The following STK36 variants were observed in gnomAD, a reference collection of about 807,000 sequenced individuals.
The protein encoded by STK36 is serine/threonine-protein kinase 36.
In STK36, 116 loss-of-function variants were observed where a neutral mutation model predicts 142.2. The observed-to-expected ratio is 0.82, with a 90% CI of 0.70 to 0.95. The LOEUF (loss-of-function observed/expected upper bound fraction) is 0.95. Ranked by LOEUF, STK36 falls within the 40% of genes least tolerant of loss-of-function variation. The probability of loss-of-function intolerance (pLI) is 0.00; values close to 1 mark genes in which losing one functional copy is unlikely to be tolerated. For synonymous variants in STK36, 619 were observed against 641.7 expected, an observed-to-expected ratio of 0.96 and a Z score of 0.53; for missense variants, 1,422 against 1,617.2, an observed-to-expected ratio of 0.88 and a Z score of 2.07.
In STK36 at chr2:218,699,116, C is replaced by T. The variant is rs774513040; in HGVS notation, c.3572C>T (p.Ala1191Val). ...GCTGGTCCTCTGGGACCTGCCCTGG[C>T]AGCTGCAGTGCCCAGTATGACCCAG... ...YQAGPLGPALAAAVPSMTQLL... is the reference protein window; with the variant it reads ...YQAGPLGPALVAAVPSMTQLL... The change falls in exon 26 of 27, where the codon GCA becomes GTA. Residue 1191 changes from alanine to valine, a missense_variant. Physicochemically the swap from Ala to Val is moderately conservative, Grantham distance 64. Around this residue, in one of 2 missense-constraint regions of STK36, gnomAD observed 962 missense variants for 1,167.5 expected, o/e 0.82. Coordinates refer to ENST00000295709, the MANE Select transcript of STK36 (RefSeq NM_015690.5). 10 of 1,613,930 alleles carry T rather than the reference C, an allele frequency of 6.2e-6. No homozygotes were observed. Among genetic ancestry groups the T allele is most frequent in the Admixed American group, 3.3e-5 (2 of 59,984 alleles).
Position 218,702,137 on chromosome 2 carries a change from A to G in STK36, c.*128A>G, listed in dbSNP as rs1268340225. On this transcript the variant is annotated 3_prime_UTR_variant, in exon 27 of 27. Coordinates refer to ENST00000295709, the MANE Select transcript of STK36 (RefSeq NM_015690.5). ...AGATAAGCTGCCAACTCAACTGAGA[A>G]CAAGAAACTAGAAGAGATTTATATA... 1.3e-5 allele frequency: 15 copies of G among 1,150,932 alleles called. No individual in the cohort carries two copies. Among genetic ancestry groups the G allele is most frequent in the Non-Finnish European group, 4.8e-6 (4 of 834,068 alleles). 71.3% of individuals were successfully genotyped at this position (1,150,932 alleles called of 1,614,324 possible).
rs150496187 is a variant in STK36 at position 218,688,806 on chromosome 2, G to A, written c.1490G>A (p.Arg497Gln). 179 of 1,613,796 alleles carry A rather than the reference G, an allele frequency of 1.1e-4. No homozygotes were observed. Among genetic ancestry groups the A allele is most frequent in the Middle Eastern group, 1.7e-4 (1 of 5,834 alleles). The stretch of plus-strand genomic sequence containing the variant: ...TCTGTTGCCTTGTATTCCTTCTGCC[G>A]GGAGGCAGGGCTTCCTGGGCTGCTG... ...SDSVALYSFC[R>Q]EAGLPGLLLS... Residue 497 changes from arginine to glutamine, a missense_variant, in exon 12 of 27, where the codon CGG becomes CAG. Transcript: ENST00000295709.
intron 8 of STK36, 23 bp from the exon 9 acceptor site, chr2:218,679,870 G>C: frequency 1.1e-5 from 18 of 1,610,498 alleles, no homozygotes; most frequent in Non-Finnish European, 1.5e-5. Flanking sequence ...CTCTGATTCA[G>C]TGTTGCCCCC....
intron 6 of STK36, among the ~76,000 whole-genome samples, chr2:218,678,274 A>C (rs924483910): frequency 6.6e-6 from 1 of 152,138 alleles, no homozygotes; most frequent in African/African-American, 2.4e-5. Flanking sequence ...ATGTAGGGCA[A>C]GATTATGGAT....
Position 218,688,707 on chromosome 2 carries a change from G to T in STK36, c.1391G>T (p.Gly464Val). The T allele has an allele frequency of 6.2e-7, 1 of 1,611,600 alleles. No homozygotes were observed. The highest frequency in any genetic ancestry group is 8.5e-7 in the Non-Finnish European group (1 of 1,179,222). ...LHEAGGQILK[G>V]ILEGASHILP... The stretch of plus-strand genomic sequence containing the variant: ...CCTCATGTCACCCAGATCCTGAAAG[G>T]CATCTTGGAGGGTGCTTCCCACATC... The change falls in exon 12 of 27, where the codon GGC becomes GTC. Residue 464 changes from glycine to valine, a missense_variant. Around this residue, in one of 2 missense-constraint regions of STK36, gnomAD observed 962 missense variants for 1,167.5 expected, o/e 0.82. Transcript: ENST00000295709.
chr2:218,675,198 A>G, intron 4 of STK36, 145 bp from the exon 5 acceptor site: 3 of 863,868 alleles, frequency 3.5e-6, no homozygotes, highest in East Asian at 2.8e-5. Flanking sequence ...CAAGGGGAAC[A>G]ATAACTAAGA....
chr2:218,690,015 T>C, intron 13 of STK36, 59 bp downstream of exon 13: 2 of 1,476,996 alleles, frequency 1.4e-6, no homozygotes, highest in South Asian at 2.4e-5. Context: ...CTACCCCAAG[T>C]GCCCTTCCCA....
intron 14 of STK36, among the ~76,000 whole-genome samples, chr2:218,691,323 T>C (rs1940988519): frequency 6.6e-6 from 1 of 152,196 alleles, no homozygotes; most frequent in African/African-American, 2.4e-5. Context: ...TTAGCTAGCA[T>C]TCACTCAGAC....
intron 2 of STK36, 90 bp from the exon 3 acceptor site, chr2:218,673,535 C>T: frequency 6.7e-7 from 1 of 1,492,478 alleles, no homozygotes; most frequent in Non-Finnish European, 9.0e-7. Context: ...ACTCTAAAAT[C>T]TGACTTCTGG....
rs1288095676 is a variant in STK36 at position 218,673,625 on chromosome 2, G to T, written c.85G>T (p.Val29Phe). ...YKGRRKYSAQVVALKFIPKLG... is the reference protein window; with the variant it reads ...YKGRRKYSAQFVALKFIPKLG... ...TAACTTTTCACCTTACCACTGACAG[G>T]TCGTGGCCCTGAAGTTCATCCCAAA... is the stretch of plus-strand genomic sequence containing the variant. Residue 29 changes from valine to phenylalanine, a missense_variant and splice_region_variant, in exon 3 of 27, where the codon GTC (valine) becomes TTC (phenylalanine). Physicochemically the swap from Val to Phe is conservative, Grantham distance 50. This residue lies in a region of STK36 where 460 missense variants were observed against 449.6 expected (regional missense o/e 1.02). Coordinates refer to ENST00000295709, the MANE Select transcript of STK36 (RefSeq NM_015690.5). The T allele has an allele frequency of 2.5e-6, 4 of 1,613,294 alleles. No individual in the cohort carries two copies. Among genetic ancestry groups the T allele is most frequent in the Non-Finnish European group, 3.4e-6 (4 of 1,179,626 alleles).
chr2:218,691,592 G>C (rs1428128413), intron 14 of STK36, among the ~76,000 whole-genome samples: 2 of 151,772 alleles, frequency 1.3e-5, no homozygotes, highest in Non-Finnish European at 2.9e-5. Context: ...GGGTCTCTCT[G>C]TCACCCAGGC....
chr2:218,672,174 C>G lies in STK36; in HGVS notation c.-131C>G. ...CCGTCCATTCCACACCTCTGAGCGC[C>G]TTTGTCCTCTGAACTTCTCACCAGT... On this transcript the variant is annotated 5_prime_UTR_variant, in exon 1 of 27. Coordinates refer to ENST00000295709, the MANE Select transcript of STK36 (RefSeq NM_015690.5). 1.6e-6 allele frequency: 1 copy of G among 613,454 alleles called. No homozygotes were observed. The highest frequency in any genetic ancestry group is 2.0e-5 in the South Asian group (1 of 50,582). The allele number at this position is 613,454 out of a possible 1,614,324, so 38.0% of individuals were successfully genotyped here. A position where few individuals can be genotyped will look rare whatever the true frequency, so the allele number is the denominator to read the frequency against.
At chr2:218,698,478 G>A in intron 25 of STK36, 124 bp from the exon 26 acceptor site, 2 of 1,225,492 alleles carry the variant, frequency 1.6e-6, no homozygotes, top group South Asian at 1.5e-5. Context: ...TGTGGGGCAG[G>A]ACTTCCAGCT....
At chr2:218,690,622 C>T (rs1470927724) in intron 14 of STK36, 67 bp downstream of exon 14, 1 of 1,262,932 alleles carries the variant, frequency 7.9e-7, no homozygotes, top group East Asian at 2.3e-5. Context: ...CATCCCCTTT[C>T]TTATGACTAT....
Position 218,699,131 on chromosome 2 carries a change from G to T in STK36, c.3587G>T (p.Ser1196Ile). 6.2e-7 allele frequency: 1 copy of T among 1,614,150 alleles called. No homozygotes were observed. Among genetic ancestry groups the T allele is most frequent in the Non-Finnish European group, 8.5e-7 (1 of 1,180,032 alleles). Residue 1196 changes from serine (S) to isoleucine (I), a missense_variant, in exon 26 of 27, where the codon AGT becomes ATT. By Grantham distance (142) the Ser-to-Ile change is moderately radical. Coordinates refer to ENST00000295709, the MANE Select transcript of STK36 (RefSeq NM_015690.5). ...CCTGCCCTGGCAGCTGCAGTGCCCA[G>T]TATGACCCAGCTGCTTGGAGATCCT... ...LGPALAAAVP[S>I]MTQLLGDPQA...
chr2:218,698,047 C>T (rs764457118), intron 25 of STK36, 46 bp downstream of exon 25: 2 of 1,610,862 alleles, frequency 1.2e-6, no homozygotes, highest in Admixed American at 3.3e-5. Flanking sequence ...GATAGCCAAC[C>T]TTGTATCCTC....
chr2:218,690,896 G>A (rs990023841), intron 14 of STK36, among the ~76,000 whole-genome samples: 3 of 152,162 alleles, frequency 2.0e-5, no homozygotes, highest in South Asian at 2.1e-4. Context: ...AAGAAATCTC[G>A]AAGAAGGAAA....
intron 6 of STK36, 31 bp from the exon 7 acceptor site, chr2:218,679,137 A>G (rs1050862635): frequency 1.6e-5 from 26 of 1,603,456 alleles, no homozygotes; most frequent in Middle Eastern, 1.7e-4. Context: ...AAGGGAAAGA[A>G]TGACTGATGG....
rs180843126 is a variant in STK36, at chr2:218,673,707, G to T, written c.167G>T (p.Arg56Leu). ...TTGCAACGAGAGATTGAAATAATGC[G>T]GGGTCTGCGGCATCCCAACATTGTG... ...RNLQREIEIM[R>L]GLRHPNIVHM... The change falls in exon 3 of 27, where the codon CGG becomes CTG. Residue 56 changes from arginine to leucine, a missense_variant. Coordinates refer to ENST00000295709, the MANE Select transcript of STK36 (RefSeq NM_015690.5). The T allele has an allele frequency of 6.2e-7, 1 of 1,614,136 alleles. No individual in the cohort carries two copies. Among genetic ancestry groups the T allele is most frequent in the African/African-American group, 1.3e-5 (1 of 75,036 alleles).
Sources: allele counts gnomAD v4.1 joint callset (sites outside exome capture counted in the v4.1 genomes callset), GRCh38; gene constraint gnomAD v4.1.1; regional missense constraint gnomAD v4.1.1; transcripts MANE v1.5; gene names NCBI Gene and HGNC (gene_info 2026-07-23, HGNC 2026-07-21).